SF3B6: variants seen among roughly 807,000 people sequenced by gnomAD.
The protein encoded by SF3B6 is splicing factor 3b subunit 6, also known as SF3b 14 kDa subunit.
Under a neutral mutation model 15.9 loss-of-function variants are expected in SF3B6, and 3 were observed. The ratio of observed to expected loss-of-function variants is 0.19; its 90% CI spans 0.09 to 0.49. The LOEUF (loss-of-function observed/expected upper bound fraction) is 0.49. Among genes scored for constraint, SF3B6 ranks in the 20% least tolerant of loss-of-function variants. SF3B6 has a pLI of 0.97. For missense variants in SF3B6, 71 were observed against 154.3 expected, an observed-to-expected ratio of 0.46 and a Z score of 2.86; for synonymous variants, 49 against 51.1, an observed-to-expected ratio of 0.96 and a Z score of 0.18.
chr2:24,070,501 T>C (rs555965611), intron 2 of SF3B6, among the ~76,000 whole-genome samples: 8 of 152,226 alleles, frequency 5.3e-5, no homozygotes, highest in Non-Finnish European at 1.2e-4. Context: ...GGATGCTTCA[T>C]GTATCCAGTG....
Position 24,072,205 on chromosome 2 carries a change from C to T in SF3B6, c.149+1871G>A, listed in dbSNP as rs1033737915. On this transcript the variant is annotated intron_variant, in intron 2 of 3. Coordinates refer to ENST00000233468, the MANE Select transcript of SF3B6 (RefSeq NM_016047.4). ...TTTCACCATTTGGCCAGGGTGGTCT[C>T]GAACTCCTAACCTCTGGTGATCTGC... Among the ~76,000 whole-genome samples, 6 of 152,042 alleles carry T rather than the reference C, an allele frequency of 3.9e-5. No individual in the cohort carries two copies. The East Asian group carries it at 5.8e-4, about 15-fold the overall frequency.
At chr2:24,075,492 G>C (rs1206656697) in intron 1 of SF3B6, among the ~76,000 whole-genome samples, 7 of 150,762 alleles carry the variant, frequency 4.6e-5, no homozygotes, top group African/African-American at 1.7e-4. Context: ...GCCTCCAAAA[G>C]TGCGGGGATT....
chr2:24,071,539 A>C (rs1400217962), intron 2 of SF3B6, among the ~76,000 whole-genome samples: 1 of 152,140 alleles, frequency 6.6e-6, no homozygotes, highest in Admixed American at 6.5e-5. Context: ...TGGGAGGCGG[A>C]GTTTGCAGTG....
At position 24,074,191 on chromosome 2, in the gene SF3B6, G is replaced by T. The variant is rs565683212; in HGVS notation, c.34C>A (p.Arg12=). The T allele has an allele frequency of 8.5e-6, 13 of 1,535,892 alleles. No homozygotes were observed. Among genetic ancestry groups the T allele is most frequent in the East Asian group, 4.5e-5 (2 of 44,280 alleles). Residue 12 remains arginine (R), a synonymous_variant, in exon 2 of 4, where the codon CGA becomes AGA. Coordinates refer to ENST00000233468, the MANE Select transcript of SF3B6 (RefSeq NM_016047.4). The stretch of plus-strand genomic sequence containing the variant: ...ATCCGATTTACTTCAGGTGGAAGTC[G>T]AATCTAAAATGAGAAATACGTATTG... ...AMQAAKRANI[R]LPPEVNRILY...
Position 24,068,456 on chromosome 2 carries a change from C to T in SF3B6, c.153G>A (p.Gly51=), listed in dbSNP as rs769358492. The change falls in exon 3 of 4, where the codon GGG becomes GGA. Residue 51 remains glycine, a synonymous_variant. Coordinates refer to ENST00000233468, the MANE Select transcript of SF3B6 (RefSeq NM_016047.4). ...CTGTTCCTCTAGTTTCAGGTGTGTT[C>T]CCCCTGGAGAGGTAAGTTAAACTTA... ...KYGPIRQIRV[G]NTPETRGTAY... The T allele has an allele frequency of 6.2e-7, 1 of 1,606,846 alleles. No homozygotes were observed. The highest frequency in any genetic ancestry group is 1.3e-5 in the African/African-American group (1 of 74,770).
intron 2 of SF3B6, chr2:24,073,848 A>G: frequency 2.6e-6 from 1 of 388,296 alleles, no homozygotes. Context: ...TGCTTTGAGG[A>G]AACTCAAATC....
chr2:24,070,901 ATACAAT>A (rs1664641997), intron 2 of SF3B6, among the ~76,000 whole-genome samples: 1 of 152,266 alleles, frequency 6.6e-6, no homozygotes, highest in Admixed American at 6.5e-5. Context: ...GGCACTAGAA[ATACAAT>A]AGTGAAAAAG....
intron 2 of SF3B6, among the ~76,000 whole-genome samples, 183 bp from the exon 3 acceptor site, chr2:24,068,642 C>T (rs114573106): frequency 2.5e-3 from 381 of 152,228 alleles, no homozygotes; most frequent in African/African-American, 9.0e-3. Context: ...ATAGATATAC[C>T]GGATAAGCCT....
chr2:24,071,929 A>C (rs1664656620), intron 2 of SF3B6, among the ~76,000 whole-genome samples: 1 of 152,184 alleles, frequency 6.6e-6, no homozygotes, highest in Admixed American at 6.5e-5. Flanking sequence ...ACTATCAATA[A>C]ATTTTATAAT....
chr2:24,073,749 T>C (rs1664690365), intron 2 of SF3B6: 1 of 171,816 alleles, frequency 5.8e-6, no homozygotes, highest in Admixed American at 6.3e-5. Context: ...TGTAACAAGC[T>C]AGCTTTACAA....
chr2:24,074,228 A>C, intron 1 of SF3B6, 34 bp from the exon 2 acceptor site: 1 of 1,146,386 alleles, frequency 8.7e-7, no homozygotes. Flanking sequence ...TATTATAATT[A>C]GGGGCATTCT....
At chr2:24,073,819 T>C in intron 2 of SF3B6, 1 of 294,570 alleles carries the variant, frequency 3.4e-6, no homozygotes, top group Non-Finnish European at 6.2e-6. Context: ...CTCAAAGCAT[T>C]CATTACTACT....
At position 24,067,786 on chromosome 2, in the gene SF3B6, G is replaced by A. The variant is rs1664583824; in HGVS notation, c.354C>T (p.Gly118=). 2 of 1,613,888 alleles carry A rather than the reference G, an allele frequency of 1.2e-6. No homozygotes were observed. The highest frequency in any genetic ancestry group is 4.5e-5 in the East Asian group (2 of 44,854). ...EQLKLLKEKY[G]INTDPPK is the part of the protein sequence containing the mutation. ...TTTATTTTGGTGGATCTGTGTTGAT[G>A]CCATATTTCTCCTTGAGAAGCTTCA... The change falls in exon 4 of 4, where the codon GGC becomes GGT. Residue 118 remains glycine (G), a synonymous_variant. Coordinates refer to ENST00000233468, the MANE Select transcript of SF3B6 (RefSeq NM_016047.4).
In SF3B6 at chr2:24,076,297, G is replaced by A. The variant is rs923735230; in HGVS notation, c.-68C>T. ...CTCCGGAGCTCGCTCGGCTTCGGGGGTTACACCGCGTTAGATGCAGGACAT... is the reference window on the plus strand; with the variant it reads ...CTCCGGAGCTCGCTCGGCTTCGGGGATTACACCGCGTTAGATGCAGGACAT... On this transcript the variant is annotated 5_prime_UTR_variant, in exon 1 of 4. Transcript: ENST00000233468. 4 of 1,581,088 alleles carry A rather than the reference G, an allele frequency of 2.5e-6. No homozygotes were observed. The highest frequency in any genetic ancestry group is 1.1e-5 in the South Asian group (1 of 90,420).
At position 24,068,401 on chromosome 2, in the gene SF3B6, C is replaced by T. The variant is rs761917696; in HGVS notation, c.208G>A (p.Ala70Thr). 6.2e-7 allele frequency: 1 copy of T among 1,614,128 alleles called. No individual in the cohort carries two copies. The highest frequency in any genetic ancestry group is 1.1e-5 in the South Asian group (1 of 91,076). The change falls in exon 3 of 4, where the codon GCC (alanine) becomes ACC (threonine). Residue 70 changes from alanine (A) to threonine (T), a missense_variant. Physicochemically the swap from Ala to Thr is moderately conservative, Grantham distance 58. Coordinates refer to ENST00000233468, the MANE Select transcript of SF3B6 (RefSeq NM_016047.4). ...GATAGGTGATCACATGCATTCTTGGCATCAAAGATGTCCTCATAGACCACA... is the reference window on the plus strand; with the variant it reads ...GATAGGTGATCACATGCATTCTTGGTATCAAAGATGTCCTCATAGACCACA... ...AYVVYEDIFD[A>T]KNACDHLSGF...
chr2:24,074,111 TATATC>T lies in SF3B6; in HGVS notation c.109_113del (p.Asp37IlefsTer17). ...GACGAATAGGTCCATATTTCCCAAATATATCATACATTTCTTCAGCTGTGATTTTG... is the reference window on the plus strand; with the variant it reads ...GACGAATAGGTCCATATTTCCCAAATATACATTTCTTCAGCTGTGATTTTG... On this transcript the variant is annotated frameshift_variant, in exon 2 of 4. Coordinates refer to ENST00000233468, the MANE Select transcript of SF3B6 (RefSeq NM_016047.4). LOFTEE classifies it high-confidence loss of function. The T allele has an allele frequency of 6.2e-7, 1 of 1,605,132 alleles. No homozygotes were observed. Among genetic ancestry groups the T allele is most frequent in the South Asian group, 1.1e-5 (1 of 90,558 alleles).
chr2:24,075,423 G>A (rs1348382653), intron 1 of SF3B6, among the ~76,000 whole-genome samples: 1 of 148,610 alleles, frequency 6.7e-6, no homozygotes, highest in Non-Finnish European at 1.5e-5. Flanking sequence ...CTGCGCAGTG[G>A]CACAATCATG....
intron 2 of SF3B6, among the ~76,000 whole-genome samples, chr2:24,070,959 G>A (rs1180755458): frequency 2.0e-5 from 3 of 152,208 alleles, no homozygotes; most frequent in Admixed American, 6.6e-5. Context: ...TCAGGCAGTA[G>A]AAAGACATTA....
Position 24,074,203 on chromosome 2 carries a change from A to G in SF3B6, c.31-9T>C. 1 of 1,405,818 alleles carries G rather than the reference A, an allele frequency of 7.1e-7. No individual in the cohort carries two copies. Among genetic ancestry groups the G allele is most frequent in the South Asian group, 1.2e-5 (1 of 85,152 alleles). The allele number at this position is 1,405,818 out of a possible 1,614,324, so 87.1% of individuals were successfully genotyped here. ...TCAGGTGGAAGTCGAATCTAAAATG[A>G]GAAATACGTATTGTTATTATAATTA... On this transcript the variant is annotated splice_polypyrimidine_tract_variant and intron_variant, in intron 1 of 3. Transcript: ENST00000233468.
Sources: gnomAD v4.1 joint callset for allele counts (sites outside exome capture counted in the v4.1 genomes callset) on GRCh38, gnomAD v4.1.1 for gene constraint, MANE v1.5 for transcripts, NCBI Gene and HGNC (gene_info 2026-07-23, HGNC 2026-07-21) for gene names.